The following B4GALT7 variants were observed in gnomAD, a reference collection of about 807,000 sequenced individuals.
B4GALT7 encodes UDP-Gal:beta-GlcNAc beta-1,4-galactosyltransferase 7.
B4GALT7 carries 30 observed loss-of-function variants against 33.0 expected under a neutral mutation model. The ratio of observed to expected loss-of-function variants is 0.91; its 90% CI spans 0.68 to 1.23. The LOEUF is 1.23. B4GALT7 is among the 50% of genes most tolerant of loss of function. B4GALT7 has a pLI of 0.00. For synonymous variants in B4GALT7, 213 were observed against 187.2 expected (o/e 1.14, Z -1.13); for missense variants, 507 against 450.8 (o/e 1.12, Z -1.13).
At chr5:177,603,812 G>C (rs1351822566) in intron 1 of B4GALT7, among the ~76,000 whole-genome samples, 1 of 152,144 alleles carries the variant, frequency 6.6e-6, no homozygotes, top group African/African-American at 2.4e-5. Context: ...AGGACATTGA[G>C]CCACTATCGT....
rs1400097807 is a variant in B4GALT7, at chr5:177,604,440, C to T, written c.312C>T (p.Arg104=). Residue 104 remains arginine, a synonymous_variant, in exon 2 of 6, where the codon CGC becomes CGT. Coordinates refer to ENST00000029410, the MANE Select transcript of B4GALT7 (RefSeq NM_007255.3). ...RLAVLVPFRE[R]FEELLVFVPH... Reference sequence around the variant, plus strand: ...CAGTGCTGGTGCCCTTCCGCGAACGCTTCGAGGAGCTCCTGGTCTTCGTGC... The same window carrying T: ...CAGTGCTGGTGCCCTTCCGCGAACGTTTCGAGGAGCTCCTGGTCTTCGTGC... 6.2e-7 allele frequency: 1 copy of T among 1,613,976 alleles called. No homozygotes were observed. Among genetic ancestry groups the T allele is most frequent in the South Asian group, 1.1e-5 (1 of 91,084 alleles).
Position 177,600,327 on chromosome 5 carries a change from A to T in B4GALT7, c.50+67A>T. ...CCGCTCCCTTCTCGGCCGCCGGCGG[A>T]ATCTGGGAACCCGAGGCCATCACGT... On this transcript the variant is annotated intron_variant, in intron 1 of 5. Coordinates refer to ENST00000029410, the MANE Select transcript of B4GALT7 (RefSeq NM_007255.3). The surrounding 1 kb of genome is among the most constrained non-coding windows in gnomAD (Gnocchi z 4.4). 8.2e-7 allele frequency: 1 copy of T among 1,222,996 alleles called. No homozygotes were observed. Among genetic ancestry groups the T allele is most frequent in the Non-Finnish European group, 1.0e-6 (1 of 966,678 alleles). 75.8% of individuals were successfully genotyped at this position (1,222,996 alleles called of 1,614,324 possible). A position where few individuals can be genotyped will look rare whatever the true frequency, so the allele number is the denominator to read the frequency against.
Position 177,607,536 on chromosome 5 carries a change from C to G in B4GALT7, c.639+9C>G, listed in dbSNP as rs758275982. ...AGCAGCACTACCGGCTGGTGAGGCC[C>G]GGACAGCCTGCTCTGCTCAGAGCCG... On this transcript the variant is annotated intron_variant, in intron 3 of 5. Transcript: ENST00000029410. 4.4e-6 allele frequency: 7 copies of G among 1,607,954 alleles called. No individual in the cohort carries two copies. The African/African-American group carries it at 5.3e-5, about 12-fold the overall frequency.
Position 177,609,666 on chromosome 5 carries a change from A to G in B4GALT7, c.955A>G (p.Thr319Ala), listed in dbSNP as rs74448984. 4 of 1,612,470 alleles carry G rather than the reference A, an allele frequency of 2.5e-6. No individual in the cohort carries two copies. The highest frequency in any genetic ancestry group is 3.4e-6 in the Non-Finnish European group (4 of 1,179,410). Residue 319 changes from threonine (T) to alanine (A), a missense_variant, in exon 6 of 6, where the codon ACC (threonine) becomes GCC (alanine). Thr to Ala is a moderately conservative substitution (Grantham distance 58). Coordinates refer to ENST00000029410, the MANE Select transcript of B4GALT7 (RefSeq NM_007255.3). ...CAACATCATGTTGGACTGTGACAAG[A>G]CCGCCACACCCTGGTGCACATTCAG... ...VLNIMLDCDK[T>A]ATPWCTFS
Position 177,607,495 on chromosome 5 carries a change from A to G in B4GALT7, c.607A>G (p.Ile203Val). The G allele has an allele frequency of 6.2e-7, 1 of 1,613,208 alleles. No homozygotes were observed. The highest frequency in any genetic ancestry group is 8.5e-7 in the Non-Finnish European group (1 of 1,180,034). The change falls in exon 3 of 6, where the codon ATC becomes GTC. Residue 203 changes from isoleucine (I) to valine (V), a missense_variant. By Grantham distance (29) the Ile-to-Val change is conservative. Transcript: ENST00000029410. ...LYHYKTYVGG[I>V]LLLSKQHYRL... ...CCACTACAAGACCTATGTCGGCGGCATCCTGCTGCTCTCCAAGCAGCACTA... is the reference window on the plus strand; with the variant it reads ...CCACTACAAGACCTATGTCGGCGGCGTCCTGCTGCTCTCCAAGCAGCACTA...
intron 2 of B4GALT7, 64 bp from the exon 3 acceptor site, chr5:177,607,238 G>C (rs1768039726): frequency 6.9e-7 from 1 of 1,446,100 alleles, no homozygotes; most frequent in African/African-American, 1.4e-5. Flanking sequence ...CCCCCGGGTG[G>C]GTGCTGAGCC....
chr5:177,603,384 A>G (rs1332472585), intron 1 of B4GALT7: 2 of 984,566 alleles, frequency 2.0e-6, no homozygotes, highest in African/African-American at 3.5e-5. Flanking sequence ...GTTTCTTTGT[A>G]TTTGCTAACC....
rs1268996736 is a variant in B4GALT7, at chr5:177,604,297, G to A, written c.169G>A (p.Val57Met). 8 of 1,611,722 alleles carry A rather than the reference G, an allele frequency of 5.0e-6. No homozygotes were observed. The highest frequency in any genetic ancestry group is 1.3e-5 in the African/African-American group (1 of 74,852). Residue 57 changes from valine to methionine, a missense_variant, in exon 2 of 6, where the codon GTG becomes ATG. Coordinates refer to ENST00000029410, the MANE Select transcript of B4GALT7 (RefSeq NM_007255.3). ...GCTGCAGCTCAGCTGCTCTGGGGAC[G>A]TGGCCCGGGCAGTCAGGGGACAAGG... ...LWLQLSCSGD[V>M]ARAVRGQGQE...
At position 177,608,504 on chromosome 5, in the gene B4GALT7, G is replaced by A. The variant is rs765403750; in HGVS notation, c.640-35G>A. ...GACCAAAGGCCCCCCCCCCCGGGAA[G>A]ATGGGCCGAGTGACGCTGCTTGTCT... On this transcript the variant is annotated intron_variant, in intron 3 of 5. Coordinates refer to ENST00000029410, the MANE Select transcript of B4GALT7 (RefSeq NM_007255.3). The surrounding 1 kb of genome is among the most constrained non-coding windows in gnomAD (Gnocchi z 4.1). The A allele has an allele frequency of 3.8e-6, 6 of 1,569,638 alleles. No homozygotes were observed. The highest frequency in any genetic ancestry group is 1.4e-5 in the African/African-American group (1 of 72,230).
chr5:177,609,815 G>A lies in B4GALT7; in HGVS notation c.*120G>A. 1 of 1,386,316 alleles carries A rather than the reference G, an allele frequency of 7.2e-7. No individual in the cohort carries two copies. Among genetic ancestry groups the A allele is most frequent in the Non-Finnish European group, 9.9e-7 (1 of 1,010,870 alleles). 85.9% of individuals were successfully genotyped at this position (1,386,316 alleles called of 1,614,324 possible). On this transcript the variant is annotated 3_prime_UTR_variant, in exon 6 of 6. Coordinates refer to ENST00000029410, the MANE Select transcript of B4GALT7 (RefSeq NM_007255.3). ...GGAGTGGCCAGGACCAAGACAGCAA[G>A]CTACGCAATTGCAGCCACCCGGCCG...
rs1188130117 is a variant in B4GALT7 at position 177,600,282 on chromosome 5, G to A, written c.50+22G>A. On this transcript the variant is annotated intron_variant, in intron 1 of 5. Transcript: ENST00000029410. The surrounding 1 kb of genome is among the most constrained non-coding windows in gnomAD (Gnocchi z 4.4). ...GCAGGTGAGCGGCGGCGGTGGGCCC[G>A]GGCCCCGTCCTCCCGGGCGCCGCTC... The A allele has an allele frequency of 2.3e-6, 3 of 1,307,026 alleles. No individual in the cohort carries two copies. Among genetic ancestry groups the A allele is most frequent in the Non-Finnish European group, 2.0e-6 (2 of 1,025,120 alleles). 81.0% of individuals were successfully genotyped at this position (1,307,026 alleles called of 1,614,324 possible). A position where few individuals can be genotyped will look rare whatever the true frequency, so the allele number is the denominator to read the frequency against.
At chr5:177,603,029 C>T (rs181563249) in intron 1 of B4GALT7, 9 of 317,986 alleles carry the variant, frequency 2.8e-5, no homozygotes, top group Admixed American at 2.6e-4. Context: ...ACTATAGGCG[C>T]GTACCACCAC....
intron 3 of B4GALT7, 143 bp downstream of exon 3, chr5:177,607,670 T>G: frequency 2.5e-6 from 2 of 804,746 alleles, no homozygotes; most frequent in Non-Finnish European, 3.9e-6. Context: ...GCAGCCAGAG[T>G]GCGAAGAGCA....
At chr5:177,604,831 G>A (rs916897823) in intron 2 of B4GALT7, among the ~76,000 whole-genome samples, 4 of 152,128 alleles carry the variant, frequency 2.6e-5, no homozygotes, top group African/African-American at 4.8e-5. Context: ...TGGCCTGGTG[G>A]GGGGTGGGTA....
At chr5:177,607,020 G>A (rs995283303) in intron 2 of B4GALT7, 1 of 520,018 alleles carries the variant, frequency 1.9e-6, no homozygotes, top group Non-Finnish European at 3.5e-6. Flanking sequence ...TGCTGGCCAC[G>A]CTTTGTGTTT....
Position 177,608,328 on chromosome 5 carries a change from C to T in B4GALT7, c.640-211C>T. 3.5e-6 allele frequency: 2 copies of T among 578,278 alleles called. No individual in the cohort carries two copies. Among genetic ancestry groups the T allele is most frequent in the Non-Finnish European group, 6.2e-6 (2 of 323,372 alleles). The allele number at this position is 578,278 out of a possible 1,614,324, so 35.8% of individuals were successfully genotyped here. A position where few individuals can be genotyped will look rare whatever the true frequency, so the allele number is the denominator to read the frequency against. On this transcript the variant is annotated intron_variant, in intron 3 of 5. Coordinates refer to ENST00000029410, the MANE Select transcript of B4GALT7 (RefSeq NM_007255.3). This position sits in a 1 kb window ranked among gnomAD's most constrained non-coding sequence, Gnocchi z 4.1. Reference sequence around the variant, plus strand: ...AGCCAGCCGTTTTTGAGAAGGTGAGCCTCTCACACAGGTTCAAGGCCCCGT... The same window carrying T: ...AGCCAGCCGTTTTTGAGAAGGTGAGTCTCTCACACAGGTTCAAGGCCCCGT...
Position 177,600,750 on chromosome 5 carries a change from C to T in B4GALT7, c.50+490C>T, listed in dbSNP as rs891272490. On this transcript the variant is annotated intron_variant, in intron 1 of 5. Transcript: ENST00000029410. The surrounding 1 kb of genome is among the most constrained non-coding windows in gnomAD (Gnocchi z 4.4). Reference sequence around the variant, plus strand: ...GCCTTCCTCATCACATCCATATAGCCTCAGACCCTACCCTTCCTCCTTAAC... The same window carrying T: ...GCCTTCCTCATCACATCCATATAGCTTCAGACCCTACCCTTCCTCCTTAAC... Among the ~76,000 whole-genome samples the T allele has an allele frequency of 1.3e-5, 2 of 152,130 alleles. No homozygotes were observed. Among genetic ancestry groups the T allele is most frequent in the African/African-American group, 4.8e-5 (2 of 41,418 alleles).
At position 177,604,183 on chromosome 5, in the gene B4GALT7, G is replaced by C; in HGVS notation, c.55G>C (p.Gly19Arg). The C allele has an allele frequency of 2.5e-6, 4 of 1,613,482 alleles. No individual in the cohort carries two copies. Among genetic ancestry groups the C allele is most frequent in the South Asian group, 1.1e-5 (1 of 91,062 alleles). Residue 19 changes from glycine to arginine, a missense_variant, in exon 2 of 6, where the codon GGG becomes CGG. By Grantham distance (125) the Gly-to-Arg change is moderately radical (BLOSUM62 -2). Coordinates refer to ENST00000029410, the MANE Select transcript of B4GALT7 (RefSeq NM_007255.3). ...AQLPWEDGRS[G>R]LLSGGLPRKC... ...CCTGTCCCGCGCTTGCTCCAGGTCC[G>C]GGTTGCTCTCCGGCGGCCTCCCTCG...
intron 1 of B4GALT7, chr5:177,602,699 G>A (rs944066464): frequency 1.4e-5 from 4 of 285,376 alleles, no homozygotes; most frequent in African/African-American, 2.3e-5. Context: ...AACATGGGGC[G>A]AAGGCTTGGG....
Sources: allele counts gnomAD v4.1 joint callset (sites outside exome capture counted in the v4.1 genomes callset), GRCh38; gene constraint gnomAD v4.1.1; non-coding constraint Gnocchi (gnomAD v3.1); transcripts MANE v1.5; gene names NCBI Gene and HGNC (gene_info 2026-07-23, HGNC 2026-07-21).